The following TMEM45A variants were observed in gnomAD, a reference collection of about 807,000 sequenced individuals.
The protein encoded by TMEM45A is transmembrane protein 45A.
In TMEM45A, 25 loss-of-function variants were observed where a neutral mutation model predicts 32.0. That is an observed-to-expected ratio of 0.78 (90% CI 0.57 to 1.09). The LOEUF is 1.09. Among genes scored for constraint, TMEM45A ranks in the 50% least tolerant of loss-of-function variants. TMEM45A has a pLI of 0.00. For synonymous variants in TMEM45A, 122 were observed against 114.8 expected (o/e 1.06, Z -0.40); for missense variants, 302 against 325.0 (o/e 0.93, Z 0.54).
intron 1 of TMEM45A, among the ~76,000 whole-genome samples, chr3:100,520,336 T>A (rs543684087): frequency 3.2e-4 from 48 of 152,276 alleles, no homozygotes; most frequent in African/African-American, 1.2e-3. Flanking sequence ...CGTTGCCTTG[T>A]CTTCCTCTTG....
At chr3:100,553,727 G>C (rs566687229) in intron 1 of TMEM45A, among the ~76,000 whole-genome samples, 1 of 152,264 alleles carries the variant, frequency 6.6e-6, no homozygotes, top group Non-Finnish European at 1.5e-5. Context: ...GAAAGGTTAA[G>C]AAACATGACG....
intron 1 of TMEM45A, among the ~76,000 whole-genome samples, chr3:100,510,674 T>C (rs1488467517): frequency 2.0e-5 from 3 of 152,198 alleles, no homozygotes; most frequent in African/African-American, 7.2e-5. Flanking sequence ...CAAATTACTC[T>C]GAGCTACGGG....
At chr3:100,525,584 C>A (rs1559640531) in intron 1 of TMEM45A, among the ~76,000 whole-genome samples, 1 of 152,220 alleles carries the variant, frequency 6.6e-6, no homozygotes, top group Non-Finnish European at 1.5e-5. Context: ...ATTCAGCTGG[C>A]CCATGGAAGG....
At chr3:100,546,327 A>G (rs977538043) in intron 1 of TMEM45A, among the ~76,000 whole-genome samples, 6 of 152,230 alleles carry the variant, frequency 3.9e-5, no homozygotes, top group South Asian at 4.1e-4. Flanking sequence ...TGTTGTTTCA[A>G]TGTACTAATT....
intron 4 of TMEM45A, among the ~76,000 whole-genome samples, chr3:100,563,672 A>G (rs1317924865): frequency 6.6e-6 from 1 of 152,216 alleles, no homozygotes; most frequent in Non-Finnish European, 1.5e-5. Flanking sequence ...CTGGGAGTTG[A>G]CTATGTGACT....
At chr3:100,507,189 A>G (rs1306812677) in intron 1 of TMEM45A, among the ~76,000 whole-genome samples, 2 of 152,232 alleles carry the variant, frequency 1.3e-5, no homozygotes, top group Admixed American at 6.5e-5. Context: ...CCCAAATTCA[A>G]CCTGACACTC....
chr3:100,545,593 G>C (rs1705966227), intron 1 of TMEM45A, among the ~76,000 whole-genome samples: 1 of 152,104 alleles, frequency 6.6e-6, no homozygotes, highest in South Asian at 2.1e-4. Context: ...ATTGCTCAAG[G>C]TCTAGCTCAG....
intron 4 of TMEM45A, among the ~76,000 whole-genome samples, chr3:100,565,951 G>A (rs9830764): frequency 0.33 from 50,720 of 151,920 alleles, 9,389 homozygotes; most frequent in African/African-American, 0.47. Context: ...CCTAGCCCCC[G>A]GTACCACTGG....
intron 1 of TMEM45A, among the ~76,000 whole-genome samples, chr3:100,541,281 G>A (rs377723439): frequency 2.2e-4 from 33 of 152,224 alleles, no homozygotes; most frequent in African/African-American, 7.0e-4. Flanking sequence ...TAGGTTGCCT[G>A]TTTACTCTGT....
At chr3:100,514,739 C>T (rs1157590130) in intron 1 of TMEM45A, among the ~76,000 whole-genome samples, 1 of 151,938 alleles carries the variant, frequency 6.6e-6, no homozygotes, top group Non-Finnish European at 1.5e-5. Flanking sequence ...TGACAAAGGG[C>T]AAATATCCAG....
chr3:100,568,795 A>T, intron 4 of TMEM45A, 27 bp from the exon 5 acceptor site: 1 of 1,579,090 alleles, frequency 6.3e-7, no homozygotes, highest in Non-Finnish European at 8.6e-7. Flanking sequence ...GGTTATTTTA[A>T]TATATGCTTT....
chr3:100,556,973 G>C lies in TMEM45A; in HGVS notation c.403+1G>C, dbSNP rs777682885. On this transcript the variant is annotated splice_donor_variant, in intron 3 of 5. Transcript: ENST00000323523. LOFTEE classifies it high-confidence loss of function. The stretch of plus-strand genomic sequence containing the variant: ...TTGTCAAATGCCTTATTTGTGGAGG[G>C]TAAGTGTTAGTGAGTATTTTCATGT... 2 of 1,613,926 alleles carry C rather than the reference G, an allele frequency of 1.2e-6. No individual in the cohort carries two copies. The highest frequency in any genetic ancestry group is 1.7e-6 in the Non-Finnish European group (2 of 1,179,846).
chr3:100,494,745 G>A (rs1707897803), intron 1 of TMEM45A, among the ~76,000 whole-genome samples: 1 of 152,196 alleles, frequency 6.6e-6, no homozygotes, highest in African/African-American at 2.4e-5. Flanking sequence ...CAGTATTGCA[G>A]AGAAGCGATG....
chr3:100,566,197 T>C (rs893514816), intron 4 of TMEM45A, among the ~76,000 whole-genome samples: 1 of 152,226 alleles, frequency 6.6e-6, no homozygotes, highest in African/African-American at 2.4e-5. Flanking sequence ...GTTTTCATCT[T>C]TTGACTATTA....
intron 1 of TMEM45A, among the ~76,000 whole-genome samples, chr3:100,518,094 G>A (rs1188051105): frequency 1.3e-5 from 2 of 152,210 alleles, no homozygotes; most frequent in East Asian, 3.8e-4. Flanking sequence ...GTATGAAGGG[G>A]AAGGCTAGTT....
intron 1 of TMEM45A, among the ~76,000 whole-genome samples, chr3:100,544,233 A>G (rs553416160): frequency 6.6e-5 from 10 of 152,294 alleles, no homozygotes; most frequent in East Asian, 1.9e-4. Context: ...CACTGCTCCT[A>G]TCCCCTAGAT....
rs1706197179 is a variant in TMEM45A at position 100,555,358 on chromosome 3, G to T, written c.147G>T (p.Leu49Phe). Residue 49 changes from leucine (L) to phenylalanine (F), a missense_variant, in exon 2 of 6, where the codon TTG becomes TTT. Transcript: ENST00000323523. ...YLGSKTLFYRLEILEGITIVG... is the reference protein window; with the variant it reads ...YLGSKTLFYRFEILEGITIVG... ...GTTCCAAAACATTATTCTATCGATT[G>T]GAAATTTTGGAGGGAATTACAATAG... 1 of 1,613,772 alleles carries T rather than the reference G, an allele frequency of 6.2e-7. No individual in the cohort carries two copies. Among genetic ancestry groups the T allele is most frequent in the Admixed American group, 1.7e-5 (1 of 59,984 alleles).
chr3:100,517,945 C>A (rs2148944694), intron 1 of TMEM45A, among the ~76,000 whole-genome samples: 1 of 152,288 alleles, frequency 6.6e-6, no homozygotes, highest in South Asian at 2.1e-4. Context: ...CACCTCCAAG[C>A]CATCCACCAT....
At chr3:100,534,522 T>C (rs1263333341) in intron 1 of TMEM45A, among the ~76,000 whole-genome samples, 1 of 151,912 alleles carries the variant, frequency 6.6e-6, no homozygotes, top group Non-Finnish European at 1.5e-5. Flanking sequence ...ACACAGGAGG[T>C]ATCTAGAAGC....
Sources: gnomAD v4.1 joint callset for allele counts (sites outside exome capture counted in the v4.1 genomes callset) on GRCh38, gnomAD v4.1.1 for gene constraint, MANE v1.5 for transcripts, NCBI Gene and HGNC (gene_info 2026-07-23, HGNC 2026-07-21) for gene names.